The following RGS12 variants were observed in gnomAD, a reference collection of about 807,000 sequenced individuals.
RGS12 encodes regulator of G protein signaling 12.
RGS12 carries 66 observed loss-of-function variants against 120.1 expected under a neutral mutation model. That is an observed-to-expected ratio of 0.55 (90% CI 0.45 to 0.67). RGS12 has a LOEUF of 0.67. Among genes scored for constraint, RGS12 ranks in the 30% least tolerant of loss-of-function variants. The pLI, the probability that RGS12 is intolerant of heterozygous loss-of-function variation, is 0.00. For synonymous variants in RGS12, 827 were observed against 804.7 expected, an observed-to-expected ratio of 1.03 and a Z score of -0.47; for missense variants, 1,859 against 1,957.7, an observed-to-expected ratio of 0.95 and a Z score of 0.95.
intron 1 of RGS12, among the ~76,000 whole-genome samples, chr4:3,310,192 G>T (rs1275571594): frequency 6.0e-5 from 9 of 149,824 alleles, no homozygotes; most frequent in Admixed American, 2.0e-4. Context: ...GCTGGGACCC[G>T]GGAATGGCAG....
chr4:3,332,065 C>G (rs538394642), intron 2 of RGS12, among the ~76,000 whole-genome samples: 2 of 152,330 alleles, frequency 1.3e-5, no homozygotes, highest in East Asian at 3.9e-4. Context: ...GGCAGGGGCT[C>G]CCTGAGAAGC....
chr4:3,406,251 C>T (rs1408274194), intron 4 of RGS12, among the ~76,000 whole-genome samples: 4 of 152,186 alleles, frequency 2.6e-5, no homozygotes, highest in Non-Finnish European at 5.9e-5. Flanking sequence ...GCCTGGGCCG[C>T]CCTGTGAATG....
At chr4:3,322,509 A>G (rs1442581233) in intron 2 of RGS12, among the ~76,000 whole-genome samples, 2 of 152,208 alleles carry the variant, frequency 1.3e-5, no homozygotes, top group Admixed American at 6.5e-5. Context: ...TCTGTCATCA[A>G]AAATGATTGC....
At chr4:3,381,380 C>T (rs552533327) in intron 3 of RGS12, among the ~76,000 whole-genome samples, 40 of 152,334 alleles carry the variant, frequency 2.6e-4, no homozygotes, top group South Asian at 4.1e-4. Context: ...GATATCTTTA[C>T]GGCAGCACCC....
chr4:3,338,079 A>G (rs1712670060), intron 2 of RGS12, among the ~76,000 whole-genome samples: 1 of 152,138 alleles, frequency 6.6e-6, no homozygotes, highest in South Asian at 2.1e-4. Flanking sequence ...GTTTTGTTTT[A>G]GACAGAGTTT....
intron 5 of RGS12, chr4:3,414,464 C>T (rs1399464228): frequency 2.5e-5 from 15 of 603,568 alleles, no homozygotes; most frequent in Middle Eastern, 4.5e-4. Flanking sequence ...CTGGCCCTCC[C>T]GCTCTCTACT....
chr4:3,424,133 G>C (rs1018912772), intron 13 of RGS12, among the ~76,000 whole-genome samples: 1 of 152,252 alleles, frequency 6.6e-6, no homozygotes, highest in South Asian at 2.1e-4. Context: ...ATGGGGTTAA[G>C]AAAGAAAACA....
intron 1 of RGS12, among the ~76,000 whole-genome samples, chr4:3,306,773 C>T (rs933197268): frequency 6.6e-6 from 1 of 151,978 alleles, no homozygotes; most frequent in African/African-American, 2.4e-5. Context: ...AGGGAATGTC[C>T]TGGGGGACGC....
intron 4 of RGS12, among the ~76,000 whole-genome samples, chr4:3,395,235 C>T (rs543261635): frequency 2.6e-5 from 4 of 151,868 alleles, no homozygotes; most frequent in East Asian, 3.9e-4. Flanking sequence ...CTCAACGCAG[C>T]GTATGCTGTT....
At chr4:3,373,785 C>T (rs909971065) in intron 3 of RGS12, among the ~76,000 whole-genome samples, 4 of 152,218 alleles carry the variant, frequency 2.6e-5, no homozygotes, top group Non-Finnish European at 4.4e-5. Flanking sequence ...CGAGCATCAG[C>T]GCGTCCCACT....
At chr4:3,292,579 C>T (rs1723086450), upstream of RGS12, among the ~76,000 whole-genome samples, 1 of 152,248 alleles carries the variant, frequency 6.6e-6, no homozygotes, top group African/African-American at 2.4e-5. Context: ...GCGGGACTTC[C>T]TCGGACACCG....
Position 3,366,700 on chromosome 4 carries a change from G to C in RGS12, c.1999-19716G>C, listed in dbSNP as rs1271250109. 2.0e-5 allele frequency among the ~76,000 whole-genome samples: 3 copies of C among 152,196 alleles called. No homozygotes were observed. Among genetic ancestry groups the C allele is most frequent in the Non-Finnish European group, 2.9e-5 (2 of 68,024 alleles). ...CCAGGCATGGCCGGAAAGCTCAGGA[G>C]GCCCTGGTTAGGCTGGGGCATCACG... On this transcript the variant is annotated intron_variant, in intron 3 of 17. Transcript: ENST00000336727. This position sits in a 1 kb window ranked among gnomAD's most constrained non-coding sequence, Gnocchi z 4.0.
At chr4:3,415,846 A>T in intron 6 of RGS12, 132 bp from the exon 7 acceptor site, 1 of 893,326 alleles carries the variant, frequency 1.1e-6, no homozygotes, top group Non-Finnish European at 1.7e-6. Context: ...TTATTTATTT[A>T]TTCAAGCAAG....
intron 4 of RGS12, among the ~76,000 whole-genome samples, chr4:3,402,052 A>C (rs1030786369): frequency 6.6e-6 from 1 of 152,152 alleles, no homozygotes; most frequent in Non-Finnish European, 1.5e-5. Context: ...AGCGCTGCCT[A>C]CCTCCCTGGG....
chr4:3,428,472 A>G (rs953411031), intron 15 of RGS12, 86 bp from the exon 16 acceptor site: 24 of 1,182,100 alleles, frequency 2.0e-5, no homozygotes, highest in Admixed American at 6.8e-5. Context: ...AATCTATTTC[A>G]TAGAGCCTTC....
chr4:3,370,152 A>G (rs985285428), intron 3 of RGS12: 6 of 1,545,238 alleles, frequency 3.9e-6, no homozygotes, highest in Non-Finnish European at 5.3e-6. Flanking sequence ...TGGGTTACGA[A>G]GGGAGCGAGA....
At chr4:3,370,445 A>G in intron 3 of RGS12, 1 of 976,620 alleles carries the variant, frequency 1.0e-6, no homozygotes, top group Non-Finnish European at 1.6e-6. Flanking sequence ...AAGCTTTGGA[A>G]ATGGTTTTCA....
chr4:3,361,748 C>G (rs976430594), intron 3 of RGS12, among the ~76,000 whole-genome samples: 10 of 152,216 alleles, frequency 6.6e-5, no homozygotes, highest in South Asian at 6.2e-4. Context: ...GAGGCAGTGA[C>G]AGGCCTGTTG....
At chr4:3,437,307 A>C (rs2109270318) in intron 17 of RGS12, among the ~76,000 whole-genome samples, 1 of 152,256 alleles carries the variant, frequency 6.6e-6, no homozygotes, top group Admixed American at 6.5e-5. Context: ...CTCCATCCTG[A>C]GCACACTAGC....
Sources: allele counts gnomAD v4.1 joint callset (sites outside exome capture counted in the v4.1 genomes callset), GRCh38; gene constraint gnomAD v4.1.1; non-coding constraint Gnocchi (gnomAD v3.1); transcripts MANE v1.5; gene names NCBI Gene and HGNC (gene_info 2026-07-23, HGNC 2026-07-21).